The following TAF1C variants were observed in gnomAD, a reference collection of about 807,000 sequenced individuals.
The protein encoded by TAF1C is TATA box-binding protein-associated factor RNA polymerase I subunit C.
In TAF1C, 79 loss-of-function variants were observed where a neutral mutation model predicts 70.5. That is an observed-to-expected ratio of 1.12 (90% confidence interval 0.93 to 1.35). TAF1C has a LOEUF of 1.35. Ranked by LOEUF, TAF1C falls within the 40% of genes most tolerant of loss-of-function variation. TAF1C has a pLI of 0.00. For synonymous variants in TAF1C, 614 were observed against 491.1 expected, an observed-to-expected ratio of 1.25 and a Z score of -3.31; for missense variants, 1,412 against 1,127.8, an observed-to-expected ratio of 1.25 and a Z score of -3.61.
Position 84,179,431 on chromosome 16 carries a change from G to C in TAF1C, c.2042C>G (p.Pro681Arg). The C allele has an allele frequency of 6.3e-7, 1 of 1,597,026 alleles. No individual in the cohort carries two copies. The highest frequency in any genetic ancestry group is 1.1e-5 in the South Asian group (1 of 90,780). The change falls in exon 15 of 15, where the codon CCT (proline) becomes CGT (arginine). Residue 681 changes from proline to arginine, a missense_variant. Coordinates refer to ENST00000566732, the MANE Select transcript of TAF1C (RefSeq NM_001243156.2). ...LGSLPAAEPP[P>R]APESGLEDKL... ...GTCCTCTAGGCCTGACTCGGGTGCAGGGGGTGGCTCTGCCGCAGGGAGGGA... is the reference window on the plus strand; with the variant it reads ...GTCCTCTAGGCCTGACTCGGGTGCACGGGGTGGCTCTGCCGCAGGGAGGGA...
intron 12 of TAF1C, 55 bp downstream of exon 12, chr16:84,180,988 G>A (rs1198046461): frequency 1.3e-6 from 2 of 1,548,856 alleles, no homozygotes; most frequent in Admixed American, 3.9e-5. Flanking sequence ...GCAGCCTCTA[G>A]TGACCATCTG....
At chr16:84,183,836 C>G (rs998225461) in intron 2 of TAF1C, 58 bp from the exon 3 acceptor site, 15 of 1,352,214 alleles carry the variant, frequency 1.1e-5, no homozygotes, top group Non-Finnish European at 1.5e-5. Context: ...CTGGGCCAGG[C>G]TGTGCACAGG....
At position 84,180,281 on chromosome 16, in the gene TAF1C, G is replaced by T; in HGVS notation, c.1372C>A (p.Leu458Ile). ...LVPMLKWNHGLPSPLLLARLL... is the reference protein window; with the variant it reads ...LVPMLKWNHGIPSPLLLARLL... ...CGGGCCAGCAGGAGCGGGGAGGGGA[G>T]GCCATGGTTCCACTTCAGCATCGGC... Residue 458 changes from leucine (L) to isoleucine (I), a missense_variant, in exon 13 of 15, where the codon CTC becomes ATC. Coordinates refer to ENST00000566732, the MANE Select transcript of TAF1C (RefSeq NM_001243156.2). 6.5e-7 allele frequency: 1 copy of T among 1,549,868 alleles called. No individual in the cohort carries two copies. The highest frequency in any genetic ancestry group is 1.2e-5 in the South Asian group (1 of 84,300).
intron 12 of TAF1C, 26 bp from the exon 13 acceptor site, chr16:84,180,370 G>A: frequency 6.5e-7 from 1 of 1,530,970 alleles, no homozygotes; most frequent in Non-Finnish European, 8.7e-7. Flanking sequence ...GAAGGGGGAT[G>A]TGGCCGAACT....
chr16:84,178,921 G>A lies in TAF1C; in HGVS notation c.*20C>T, dbSNP rs528301519. The A allele has an allele frequency of 1.9e-6, 3 of 1,564,638 alleles. No individual in the cohort carries two copies. The highest frequency in any genetic ancestry group is 8.6e-7 in the Non-Finnish European group (1 of 1,158,620). On this transcript the variant is annotated 3_prime_UTR_variant, in exon 15 of 15. Transcript: ENST00000566732. The stretch of plus-strand genomic sequence containing the variant: ...GGATGAGGGGCTCTCTGGGGCTTGA[G>A]GGCAGCCCACCTTGTGTCCTCAGAA...
chr16:84,179,705 C>G lies in TAF1C; in HGVS notation c.1768G>C (p.Asp590His), dbSNP rs761664370. The change falls in exon 15 of 15, where the codon GAC becomes CAC. Residue 590 changes from aspartate to histidine, a missense_variant. By Grantham distance (81) the Asp-to-His change is moderately conservative. Coordinates refer to ENST00000566732, the MANE Select transcript of TAF1C (RefSeq NM_001243156.2). ...GGGGCATGGCAGTCAGGTTGGGTGT[C>G]GCCAGGAGGCCCAGCATCTCTGCGG... The part of the protein sequence containing the change: ...SLRRDAGPPG[D>H]TQPDCHAPTA... 25 of 1,612,248 alleles carry G rather than the reference C, an allele frequency of 1.6e-5. No individual in the cohort carries two copies. The Admixed American group carries it at 3.7e-4, about 24-fold the overall frequency.
chr16:84,183,213 G>C, intron 5 of TAF1C, 31 bp downstream of exon 5: 1 of 1,613,540 alleles, frequency 6.2e-7, no homozygotes, highest in Non-Finnish European at 8.5e-7. Flanking sequence ...ACAGCAGGGA[G>C]TCCCCACCCC....
Position 84,179,327 on chromosome 16 carries a change from C to T in TAF1C, c.2146G>A (p.Glu716Lys). 6.2e-7 allele frequency: 1 copy of T among 1,600,986 alleles called. No homozygotes were observed. The highest frequency in any genetic ancestry group is 2.2e-5 in the East Asian group (1 of 44,814). The stretch of plus-strand genomic sequence containing the variant: ...GGCCGCCTGGTCTGTCTCCCGGGCT[C>T]CGAGGTCCTGCCCTGCTGCCTCTCC... ...WWERQQGRTS[E>K]PGRQTRRPKR... The change falls in exon 15 of 15, where the codon GAG (glutamate) becomes AAG (lysine). Residue 716 changes from glutamate (E) to lysine (K), a missense_variant. Transcript: ENST00000566732.
At chr16:84,180,575 G>T in intron 12 of TAF1C, 1 of 597,676 alleles carries the variant, frequency 1.7e-6, no homozygotes, top group Non-Finnish European at 2.8e-6. Flanking sequence ...AGTGGGAAAG[G>T]GGTGCTCAGA....
Position 84,179,520 on chromosome 16 carries a change from C to A in TAF1C, c.1953G>T (p.Gln651His). 6.2e-7 allele frequency: 1 copy of A among 1,605,154 alleles called. No homozygotes were observed. The change falls in exon 15 of 15, where the codon CAG becomes CAT. Residue 651 changes from glutamine (Q) to histidine (H), a missense_variant. Coordinates refer to ENST00000566732, the MANE Select transcript of TAF1C (RefSeq NM_001243156.2). Reference sequence around the variant, plus strand: ...TGGCCTTGCGGAGCACACCCAGCCGCTGCCCTTCCTCTTCCTCCCTCCGCA... The same window carrying A: ...TGGCCTTGCGGAGCACACCCAGCCGATGCCCTTCCTCTTCCTCCCTCCGCA... ...TELRREEEEG[Q>H]RLGVLRKAMA...
rs548027632 is a variant in TAF1C, at chr16:84,183,007, C to A, written c.482+69G>T. On this transcript the variant is annotated intron_variant, in intron 6 of 14. Coordinates refer to ENST00000566732, the MANE Select transcript of TAF1C (RefSeq NM_001243156.2). ...GTATGACGGAAAGCTGTACGTGCGT[C>A]CTAGCACCTCCTACATCCCCACCAC... 36 of 1,528,256 alleles carry A rather than the reference C, an allele frequency of 2.4e-5. 1 individual carries two copies. The highest frequency in any genetic ancestry group is 1.8e-4 in the East Asian group (8 of 44,446). 94.7% of individuals were successfully genotyped at this position (1,528,256 alleles called of 1,614,324 possible). A position where few individuals can be genotyped will look rare whatever the true frequency, so the allele number is the denominator to read the frequency against.
At chr16:84,180,694 G>T in intron 12 of TAF1C, 1 of 870,772 alleles carries the variant, frequency 1.1e-6, no homozygotes, top group Non-Finnish European at 1.6e-6. Flanking sequence ...GAATGTCCCC[G>T]GGAGGGCGGG....
rs750102796 is a variant in TAF1C at position 84,183,167 on chromosome 16, G to C, written c.409-18C>G. On this transcript the variant is annotated intron_variant, in intron 5 of 14. Coordinates refer to ENST00000566732, the MANE Select transcript of TAF1C (RefSeq NM_001243156.2). ...GTGCGGCTCTGCATGGAAAGGCCTT[G>C]TCAGGCTCACACACCCTCGAGTTCA... 1.2e-6 allele frequency: 2 copies of C among 1,613,986 alleles called. No homozygotes were observed. Among genetic ancestry groups the C allele is most frequent in the South Asian group, 1.1e-5 (1 of 91,084 alleles).
chr16:84,180,417 T>C (rs2089088380), intron 12 of TAF1C, 73 bp from the exon 13 acceptor site: 15 of 1,457,028 alleles, frequency 1.0e-5, no homozygotes, highest in Non-Finnish European at 1.4e-5. Flanking sequence ...CCAGGCCCCA[T>C]GTGGCTCTCC....
Position 84,182,048 on chromosome 16 carries a change from C to T in TAF1C, c.732G>A (p.Glu244=). Residue 244 remains glutamate (E), a synonymous_variant, in exon 8 of 15, where the codon GAG becomes GAA. Transcript: ENST00000566732. The surrounding 1 kb of genome is among the most constrained non-coding windows in gnomAD (Gnocchi z 5.0). ...GGAQDRLHFQ[E]VVLTPGDNPQ... is the part of the protein sequence containing the mutation. ...GATTGTCACCTGGGGTCAGAACGACCTCTTGGAAATCTGGGCCTCTCACTA... is the reference window on the plus strand; with the variant it reads ...GATTGTCACCTGGGGTCAGAACGACTTCTTGGAAATCTGGGCCTCTCACTA... 3 of 1,613,148 alleles carry T rather than the reference C, an allele frequency of 1.9e-6. No individual in the cohort carries two copies. In the South Asian group the frequency reaches 3.3e-5, roughly 18 times the overall value.
chr16:84,185,065 G>T lies in TAF1C; in HGVS notation c.-72-5C>A. 6.5e-7 allele frequency: 1 copy of T among 1,527,840 alleles called. No individual in the cohort carries two copies. The highest frequency in any genetic ancestry group is 8.8e-7 in the Non-Finnish European group (1 of 1,133,628). 94.6% of individuals were successfully genotyped at this position (1,527,840 alleles called of 1,614,324 possible). On this transcript the variant is annotated splice_polypyrimidine_tract_variant and splice_region_variant and intron_variant, in intron 1 of 14. Coordinates refer to ENST00000566732, the MANE Select transcript of TAF1C (RefSeq NM_001243156.2). ...TGGTAAGGGGCGCCAGAGTTCCTGA[G>T]GAGTGAAAAGTGCACTACGGGAAGC...
rs4150173 is a variant in TAF1C at position 84,179,648 on chromosome 16, C to T, written c.1825G>A (p.Gly609Ser). The change falls in exon 15 of 15, where the codon GGC becomes AGC. Residue 609 changes from glycine to serine, a missense_variant. By Grantham distance (56) the Gly-to-Ser change is moderately conservative. Transcript: ENST00000566732. ...TASWTSQDTAGCSQWLKALLK... is the reference protein window; with the variant it reads ...TASWTSQDTASCSQWLKALLK... ...AGGGCCTTCAGCCACTGGCTGCAGCCGGCAGTGTCCTGGGAGGTCCAGGAA... is the reference window on the plus strand; with the variant it reads ...AGGGCCTTCAGCCACTGGCTGCAGCTGGCAGTGTCCTGGGAGGTCCAGGAA... 8.0e-3 allele frequency: 12,926 copies of T among 1,612,502 alleles called. 81 individuals are homozygous for T. The highest frequency in any genetic ancestry group is 1.0e-2 in the Non-Finnish European group (11,758 of 1,179,864).
chr16:84,179,165 G>A lies in TAF1C; in HGVS notation c.2308C>T (p.Gln770Ter), dbSNP rs938886973. 9 of 1,601,654 alleles carry A rather than the reference G, an allele frequency of 5.6e-6. No homozygotes were observed. Among genetic ancestry groups the A allele is most frequent in the Non-Finnish European group, 7.6e-6 (9 of 1,178,126 alleles). ...GCGCATGCATCCGGAGTCAACTCCT[G>A]GGAGGGCGGGGTCGTGGGGGGCAGG... ...LPLPPTTPPS[Q>*]ELTPDACAQG... Residue 770 changes from glutamine (Q) to a stop codon, truncating the protein, a stop_gained, in exon 15 of 15, where the codon CAG becomes TAG. Transcript: ENST00000566732. LOFTEE classifies it low-confidence loss of function (END_TRUNC).
At position 84,178,375 on chromosome 16, in the gene TAF1C, CCAATT is replaced by C. The variant is rs1409139229; in HGVS notation, c.*561_*565del. 2.2e-6 allele frequency: 1 copy of C among 457,022 alleles called. No individual in the cohort carries two copies. Among genetic ancestry groups the C allele is most frequent in the Admixed American group, 2.3e-5 (1 of 42,596 alleles). 28.3% of individuals were successfully genotyped at this position (457,022 alleles called of 1,614,324 possible). ...GTCCAGCCTAAAAAACGTGACCATT[CCAATT>C]CATCTTCAGCTGCCAAGTGTATTTA... On this transcript the variant is annotated 3_prime_UTR_variant, in exon 15 of 15. Coordinates refer to ENST00000566732, the MANE Select transcript of TAF1C (RefSeq NM_001243156.2).
Sources: gnomAD v4.1 joint callset for allele counts on GRCh38, gnomAD v4.1.1 for gene constraint, Gnocchi (gnomAD v3.1) non-coding constraint, MANE v1.5 for transcripts, NCBI Gene and HGNC (gene_info 2026-07-23, HGNC 2026-07-21) for gene names.